The following NXPH1 variants were observed in gnomAD, a reference collection of about 807,000 sequenced individuals.
The protein encoded by NXPH1 is neurexophilin-1.
NXPH1 carries 5 observed loss-of-function variants against 23.7 expected under a neutral mutation model. The observed-to-expected ratio is 0.21, with a 90% CI of 0.11 to 0.44. The LOEUF (loss-of-function observed/expected upper bound fraction) is 0.44, where lower values mean the gene tolerates loss of function less well. Ranked by LOEUF, NXPH1 falls within the 20% of genes least tolerant of loss-of-function variation. The pLI, the probability that NXPH1 is intolerant of heterozygous loss-of-function variation, is 0.99. For synonymous variants in NXPH1, 144 were observed against 122.2 expected (o/e 1.18, Z -1.18); for missense variants, 324 against 321.6 (o/e 1.01, Z -0.06).
chr7:8,608,504 G>C (rs1819549831), intron 2 of NXPH1, among the ~76,000 whole-genome samples: 1 of 152,060 alleles, frequency 6.6e-6, no homozygotes, highest in African/African-American at 2.4e-5. Context: ...GCCCAGCCTA[G>C]TGGTATTTTT....
chr7:8,726,456 G>GCC, intron 2 of NXPH1, among the ~76,000 whole-genome samples: 1 of 149,682 alleles, frequency 6.7e-6, no homozygotes, highest in African/African-American at 2.5e-5. Flanking sequence ...TCTAGCATTA[G>GCC]GTATATCTCC....
chr7:8,651,029 A>T (rs1820483449), intron 2 of NXPH1, among the ~76,000 whole-genome samples: 1 of 151,026 alleles, frequency 6.6e-6, no homozygotes, highest in East Asian at 2.0e-4. Context: ...TGTGCAGGTT[A>T]GTTACATATG....
At chr7:8,667,531 T>A (rs1820791980) in intron 2 of NXPH1, among the ~76,000 whole-genome samples, 1 of 151,928 alleles carries the variant, frequency 6.6e-6, no homozygotes, top group Admixed American at 6.6e-5. Context: ...CTTTAATGAA[T>A]TTTTTTTCTG....
chr7:8,589,597 A>G (rs1819049645), intron 2 of NXPH1, among the ~76,000 whole-genome samples: 1 of 152,120 alleles, frequency 6.6e-6, no homozygotes, highest in Admixed American at 6.6e-5. Context: ...GCAGGAGACA[A>G]GAGCATTGGT....
chr7:8,524,581 T>C (rs888057202), intron 2 of NXPH1, among the ~76,000 whole-genome samples: 4 of 152,300 alleles, frequency 2.6e-5, no homozygotes, highest in African/African-American at 9.6e-5. Context: ...GTGTCTGATA[T>C]GGTTTAGCTC....
chr7:8,635,173 T>C (rs1226874274), intron 2 of NXPH1, among the ~76,000 whole-genome samples: 1 of 152,182 alleles, frequency 6.6e-6, no homozygotes, highest in Non-Finnish European at 1.5e-5. Flanking sequence ...AAAAATGCTA[T>C]GTCACCGAGG....
chr7:8,679,635 C>T (rs115520888), intron 2 of NXPH1, among the ~76,000 whole-genome samples: 2,571 of 152,262 alleles, frequency 0.017, 74 homozygotes, highest in African/African-American at 0.058. Context: ...TGGTTAAGAA[C>T]AAATATTTGT....
chr7:8,537,981 A>G (rs540640695), intron 2 of NXPH1, among the ~76,000 whole-genome samples: 1 of 152,046 alleles, frequency 6.6e-6, no homozygotes, highest in Non-Finnish European at 1.5e-5. Context: ...TCCTCCATTT[A>G]TAAAGTAAGG....
chr7:8,460,643 G>A (rs1051995118), intron 2 of NXPH1, among the ~76,000 whole-genome samples: 11 of 152,302 alleles, frequency 7.2e-5, no homozygotes, highest in Non-Finnish European at 1.2e-4. Flanking sequence ...TGAGTAGAAA[G>A]TTAGGGGAAA....
intron 2 of NXPH1, among the ~76,000 whole-genome samples, chr7:8,572,942 G>A (rs996791386): frequency 6.6e-6 from 1 of 151,824 alleles, no homozygotes; most frequent in African/African-American, 2.4e-5. Flanking sequence ...ACCTCAGTAT[G>A]TTATTTTTTT....
intron 2 of NXPH1, among the ~76,000 whole-genome samples, chr7:8,713,022 C>T (rs1779820821): frequency 6.6e-6 from 1 of 151,816 alleles, no homozygotes; most frequent in Non-Finnish European, 1.5e-5. Flanking sequence ...TCTCTCTCTA[C>T]CTCCTCTTTA....
At chr7:8,726,920 C>T (rs1290103757) in intron 2 of NXPH1, among the ~76,000 whole-genome samples, 3 of 151,560 alleles carry the variant, frequency 2.0e-5, no homozygotes, top group Non-Finnish European at 4.4e-5. Context: ...CACTGACTTC[C>T]ACAATGGTTG....
In NXPH1 at chr7:8,751,082, G is replaced by T; in HGVS notation, c.129G>T (p.Lys43Asn). ...LKSGSSKSTLKHIWTESSKDL... is the reference protein window; with the variant it reads ...LKSGSSKSTLNHIWTESSKDL... ...CAGGAAGCAGCAAATCCACACTAAA[G>T]CACATATGGACAGAAAGCAGCAAAG... Residue 43 changes from lysine (K) to asparagine (N), a missense_variant, in exon 3 of 3, where the codon AAG (lysine) becomes AAT (asparagine). Physicochemically the swap from Lys to Asn is moderately conservative, Grantham distance 94 (BLOSUM62 0). Transcript: ENST00000405863. This position sits in a 1 kb window ranked among gnomAD's most constrained non-coding sequence, Gnocchi z 4.5. 1 of 1,613,810 alleles carries T rather than the reference G, an allele frequency of 6.2e-7. No homozygotes were observed. Among genetic ancestry groups the T allele is most frequent in the Non-Finnish European group, 8.5e-7 (1 of 1,179,788 alleles).
At chr7:8,446,689 C>G (rs139315761) in intron 2 of NXPH1, among the ~76,000 whole-genome samples, 1 of 152,124 alleles carries the variant, frequency 6.6e-6, no homozygotes, top group Non-Finnish European at 1.5e-5. Context: ...TACATTTTCT[C>G]ATTTATTCTG....
At chr7:8,497,940 A>C (rs981042017) in intron 2 of NXPH1, among the ~76,000 whole-genome samples, 1 of 151,952 alleles carries the variant, frequency 6.6e-6, no homozygotes, top group Non-Finnish European at 1.5e-5. Context: ...CCTTGCCCAT[A>C]CCTATGTCCT....
At chr7:8,620,584 A>G (rs532463569) in intron 2 of NXPH1, among the ~76,000 whole-genome samples, 2 of 152,292 alleles carry the variant, frequency 1.3e-5, no homozygotes, top group African/African-American at 4.8e-5. Context: ...CTGACTCCTC[A>G]TGTAGCTTAA....
rs896357079 is a variant in NXPH1, at chr7:8,437,364, TG to T, written c.54+1603del. Among the ~76,000 whole-genome samples the T allele has an allele frequency of 1.7e-4, 15 of 88,880 alleles. 1 individual carries two copies. The highest frequency in any genetic ancestry group is 6.7e-4 in the African/African-American group (15 of 22,420). The allele number at this position is 88,880 out of a possible 152,430, so 58.3% of individuals were successfully genotyped here. A position where few individuals can be genotyped will look rare whatever the true frequency, so the allele number is the denominator to read the frequency against. On this transcript the variant is annotated intron_variant, in intron 2 of 2. Transcript: ENST00000405863. ...AATATAGAATTTTTTTATTGAGAGA[TG>T]GGGGGAGGGAATGCAAAGTGAAAGC...
intron 2 of NXPH1, among the ~76,000 whole-genome samples, chr7:8,549,804 C>T (rs187131147): frequency 6.6e-6 from 1 of 151,456 alleles, no homozygotes; most frequent in Non-Finnish European, 1.5e-5. Context: ...TACACATTTA[C>T]CCATTTATAC....
At chr7:8,508,051 A>C (rs1247342971) in intron 2 of NXPH1, among the ~76,000 whole-genome samples, 2 of 152,124 alleles carry the variant, frequency 1.3e-5, no homozygotes, top group Non-Finnish European at 2.9e-5. Flanking sequence ...CCTGGTACCC[A>C]TCCAATATTC....
Sources: allele counts gnomAD v4.1 joint callset (sites outside exome capture counted in the v4.1 genomes callset), GRCh38; gene constraint gnomAD v4.1.1; non-coding constraint Gnocchi (gnomAD v3.1); transcripts MANE v1.5; gene names NCBI Gene and HGNC (gene_info 2026-07-23, HGNC 2026-07-21).